Variants in ABI3BP observed in about 807,000 individuals in gnomAD.
ABI3BP encodes ABI family member 3 binding protein, also known as target of Nesh-SH3.
A neutral mutation model predicts 268.6 loss-of-function variants in ABI3BP; 216 were observed. The ratio of observed to expected loss-of-function variants is 0.80; its 90% CI spans 0.72 to 0.90. ABI3BP has a LOEUF of 0.90. Among genes scored for constraint, ABI3BP ranks in the 40% least tolerant of loss-of-function variants. ABI3BP has a pLI of 0.00. For synonymous variants in ABI3BP, 730 were observed against 730.0 expected, an observed-to-expected ratio of 1.00 and a Z score of 0.00; for missense variants, 2,090 against 2,182.4, an observed-to-expected ratio of 0.96 and a Z score of 0.84.
intron 2 of ABI3BP, among the ~76,000 whole-genome samples, chr3:100,922,047 A>C (rs2060380325): frequency 6.6e-6 from 1 of 152,278 alleles, no homozygotes; most frequent in Non-Finnish European, 1.5e-5. Flanking sequence ...ACTGAAAAAC[A>C]TACCACTACC....
intron 1 of ABI3BP, among the ~76,000 whole-genome samples, chr3:100,970,937 G>A (rs963728936): frequency 2.0e-5 from 3 of 152,158 alleles, no homozygotes; most frequent in Non-Finnish European, 2.9e-5. Context: ...TCCATGCCAA[G>A]AGTTGTTTTC....
At chr3:100,943,033 C>T (rs2070257723) in intron 1 of ABI3BP, among the ~76,000 whole-genome samples, 1 of 152,022 alleles carries the variant, frequency 6.6e-6, no homozygotes, top group Non-Finnish European at 1.5e-5. Flanking sequence ...TCTGGAGACA[C>T]ATAAGGTAAA....
intron 26 of ABI3BP, chr3:100,837,402 A>G (rs533197586): frequency 2.3e-6 from 1 of 436,826 alleles, no homozygotes; most frequent in South Asian, 4.5e-5. Flanking sequence ...TTGGATTCTG[A>G]GAACTGTTAT....
chr3:100,853,286 T>C (rs1321293207), intron 14 of ABI3BP, among the ~76,000 whole-genome samples: 3 of 152,334 alleles, frequency 2.0e-5, no homozygotes, highest in Middle Eastern at 3.4e-3. Flanking sequence ...ATCTATTATA[T>C]TGTAATGTCA....
chr3:100,751,027 G>A (rs1167736523), intron 67 of ABI3BP, among the ~76,000 whole-genome samples: 1 of 152,102 alleles, frequency 6.6e-6, no homozygotes, highest in Admixed American at 6.6e-5. Flanking sequence ...ACCCCCTTCT[G>A]CACTGCTTAG....
At chr3:100,937,848 C>T (rs1006655217) in intron 1 of ABI3BP, among the ~76,000 whole-genome samples, 1 of 152,008 alleles carries the variant, frequency 6.6e-6, no homozygotes, top group Admixed American at 6.6e-5. Context: ...CAAGATGTCA[C>T]GTCTCAAGTT....
At chr3:100,858,808 C>T (rs1213106273) in intron 14 of ABI3BP, among the ~76,000 whole-genome samples, 1 of 152,108 alleles carries the variant, frequency 6.6e-6, no homozygotes, top group Non-Finnish European at 1.5e-5. Context: ...AAAAACAAGA[C>T]CAGTCTCTAA....
rs574626838 is a variant in ABI3BP at position 100,871,404 on chromosome 3, A to G, written c.910+3437T>C. Among the ~76,000 whole-genome samples the G allele has an allele frequency of 7.9e-5, 12 of 152,334 alleles. 1 individual carries two copies. The highest frequency in any genetic ancestry group is 4.1e-4 in the South Asian group (2 of 4,828). On this transcript the variant is annotated intron_variant, in intron 9 of 67. Transcript: ENST00000471714. Reference sequence around the variant, plus strand: ...TCCTTTGATTTATCAGACATTTTCAAACATACTGGCTATCAGTCTCTTCAG... The same window carrying G: ...TCCTTTGATTTATCAGACATTTTCAGACATACTGGCTATCAGTCTCTTCAG...
intron 4 of ABI3BP, among the ~76,000 whole-genome samples, chr3:100,890,405 T>C (rs2044022254): frequency 6.6e-6 from 1 of 152,144 alleles, no homozygotes; most frequent in Non-Finnish European, 1.5e-5. Context: ...TGTCCCACTC[T>C]GATTTCAAGG....
chr3:100,779,094 A>G (rs998319863), intron 58 of ABI3BP, among the ~76,000 whole-genome samples: 3 of 152,208 alleles, frequency 2.0e-5, no homozygotes, highest in East Asian at 3.8e-4. Context: ...AAAGCATAAA[A>G]TTTCTCCTTT....
At chr3:100,944,071 T>C (rs2070901077) in intron 1 of ABI3BP, among the ~76,000 whole-genome samples, 1 of 152,104 alleles carries the variant, frequency 6.6e-6, no homozygotes, top group African/African-American at 2.4e-5. Context: ...TACTGGACAC[T>C]GATACTCAAG....
intron 23 of ABI3BP, 69 bp from the exon 24 acceptor site, chr3:100,839,685 C>A: frequency 1.4e-6 from 2 of 1,461,768 alleles, no homozygotes; most frequent in South Asian, 2.4e-5. Context: ...AGACATTATG[C>A]CTCAAGCTGG....
chr3:100,911,988 T>C lies in ABI3BP; in HGVS notation c.260-9302A>G, dbSNP rs754919307. On this transcript the variant is annotated intron_variant, in intron 2 of 67. Coordinates refer to ENST00000471714, the MANE Select transcript of ABI3BP (RefSeq NM_001375547.2). ...GGAATTATAAAAGCTAAAAAAAGCA[T>C]GGAATATATTTCTGAATGTCAATTG... is the stretch of plus-strand genomic sequence containing the variant. 5.9e-5 allele frequency: 48 copies of C among 814,560 alleles called. No homozygotes were observed. In the Middle Eastern group the frequency reaches 9.9e-4, roughly 17 times the overall value. 50.5% of individuals were successfully genotyped at this position (814,560 alleles called of 1,614,324 possible). A position where few individuals can be genotyped will look rare whatever the true frequency, so the allele number is the denominator to read the frequency against.
rs1443624874 is a variant in ABI3BP at position 100,811,278 on chromosome 3, C to G, written c.3494-1G>C. On this transcript the variant is annotated splice_acceptor_variant, in intron 47 of 67. Coordinates refer to ENST00000471714, the MANE Select transcript of ABI3BP (RefSeq NM_001375547.2). LOFTEE classifies it high-confidence loss of function. ...GATACATATGTAATAGATTCCACAACTGTACCAAAACAAAGGAGAAAAATT... is the reference window on the plus strand; with the variant it reads ...GATACATATGTAATAGATTCCACAAGTGTACCAAAACAAAGGAGAAAAATT... The G allele has an allele frequency of 1.3e-6, 2 of 1,532,824 alleles. No homozygotes were observed. 95.0% of individuals were successfully genotyped at this position (1,532,824 alleles called of 1,614,324 possible).
intron 1 of ABI3BP, among the ~76,000 whole-genome samples, chr3:100,975,848 G>A (rs1300795898): frequency 6.6e-6 from 1 of 152,098 alleles, no homozygotes; most frequent in Non-Finnish European, 1.5e-5. Context: ...TCAGAATCCA[G>A]AGGGTATTTG....
Position 100,750,396 on chromosome 3 carries a change from T to C in ABI3BP, c.*99A>G. On this transcript the variant is annotated 3_prime_UTR_variant, in exon 68 of 68. Transcript: ENST00000471714. ...TTGCTATTAATTAGATTGTAGACTT[T>C]TATACATAGTAAACAAAATAGCTTT... 1.1e-6 allele frequency: 1 copy of C among 878,432 alleles called. No homozygotes were observed. The highest frequency in any genetic ancestry group is 2.3e-5 in the Admixed American group (1 of 43,762). 54.4% of individuals were successfully genotyped at this position (878,432 alleles called of 1,614,324 possible). A position where few individuals can be genotyped will look rare whatever the true frequency, so the allele number is the denominator to read the frequency against.
chr3:100,929,560 C>A (rs1337023381), intron 1 of ABI3BP, among the ~76,000 whole-genome samples: 1 of 152,068 alleles, frequency 6.6e-6, no homozygotes, highest in Non-Finnish European at 1.5e-5. Context: ...AGACAAATCT[C>A]ATCTCAACAC....
intron 56 of ABI3BP, 88 bp from the exon 57 acceptor site, chr3:100,787,890 AT>A: frequency 1.1e-6 from 1 of 915,476 alleles, no homozygotes; most frequent in South Asian, 2.3e-5. Context: ...ATTGAAAGTC[AT>A]TTAGGCAATA....
intron 3 of ABI3BP, among the ~76,000 whole-genome samples, chr3:100,899,196 T>C (rs1357658226): frequency 1.3e-5 from 2 of 152,188 alleles, no homozygotes; most frequent in Admixed American, 6.5e-5. Flanking sequence ...TTTATTTTCT[T>C]GTGGGTCAGG....
Sources: gnomAD v4.1 joint callset for allele counts (sites outside exome capture counted in the v4.1 genomes callset) on GRCh38, gnomAD v4.1.1 for gene constraint, MANE v1.5 for transcripts, NCBI Gene and HGNC (gene_info 2026-07-23, HGNC 2026-07-21) for gene names.